Variants in PCDHGA3 observed in about 807,000 individuals in gnomAD.
PCDHGA3 encodes protocadherin gamma-A3.
PCDHGA3 carries 40 observed loss-of-function variants against 58.5 expected under a neutral mutation model. The observed-to-expected ratio is 0.68, with a 90% CI of 0.53 to 0.89. The LOEUF is 0.89. Ranked by LOEUF, PCDHGA3 falls within the 40% of genes least tolerant of loss-of-function variation. The pLI, the probability that PCDHGA3 is intolerant of heterozygous loss-of-function variation, is 0.00. For synonymous variants in PCDHGA3, 530 were observed against 525.7 expected, an observed-to-expected ratio of 1.01 and a Z score of -0.11; for missense variants, 1,223 against 1,195.9, an observed-to-expected ratio of 1.02 and a Z score of -0.33.
rs1308930168 is a variant in PCDHGA3, at chr5:141,489,620, A to G, written c.2425-5187A>G. 2.5e-6 allele frequency: 4 copies of G among 1,614,058 alleles called. No individual in the cohort carries two copies. Among genetic ancestry groups the G allele is most frequent in the South Asian group, 2.2e-5 (2 of 91,072 alleles). The stretch of plus-strand genomic sequence containing the variant: ...GTAGAGGTAGAGATCCTGGATCTCA[A>G]TGACAACTCTCCTAGCTTTGCCACC... On this transcript the variant is annotated intron_variant, in intron 1 of 3. Transcript: ENST00000253812. This position sits in a 1 kb window ranked among gnomAD's most constrained non-coding sequence, Gnocchi z 4.5.
intron 1 of PCDHGA3, chr5:141,408,804 A>G (rs577658697): frequency 1.9e-6 from 3 of 1,613,264 alleles, no homozygotes; most frequent in African/African-American, 2.7e-5. Context: ...AAACTCCTAG[A>G]CCGGGAAGAA....
At chr5:141,368,939 G>A (rs920878647) in intron 1 of PCDHGA3, among the ~76,000 whole-genome samples, 3 of 152,146 alleles carry the variant, frequency 2.0e-5, no homozygotes, top group African/African-American at 7.2e-5. Context: ...TAGAATTCTG[G>A]TTACTGTGAG....
intron 1 of PCDHGA3, chr5:141,366,706 G>T (rs202189432): frequency 1.0e-4 from 169 of 1,614,242 alleles, no homozygotes; most frequent in Middle Eastern, 1.6e-4. Context: ...AGCCTCTTCT[G>T]ATGTCTGATA....
intron 1 of PCDHGA3, chr5:141,409,921 G>C (rs767370997): frequency 2.7e-5 from 44 of 1,613,404 alleles, no homozygotes; most frequent in Non-Finnish European, 3.7e-5. Context: ...ACGGCTCCGC[G>C]TTCTTCGATA....
intron 1 of PCDHGA3, chr5:141,377,855 G>A (rs1291859496): frequency 6.6e-6 from 1 of 152,074 alleles, no homozygotes; most frequent in Non-Finnish European, 1.5e-5. Flanking sequence ...TTAAAATTAA[G>A]ATTTAAAAGA....
At position 141,508,878 on chromosome 5, in the gene PCDHGA3, C is replaced by A. The variant is rs189735747; in HGVS notation, c.2573-2069C>A. The stretch of plus-strand genomic sequence containing the variant: ...GGCTGGGAAAGGCTGAAGAGGCTGA[C>A]GGCTGGAGGGGAGGGGGCGGGGCGG... On this transcript the variant is annotated intron_variant, in intron 3 of 3. Transcript: ENST00000253812. Among the ~76,000 whole-genome samples, 561 of 152,074 alleles carry A rather than the reference C, an allele frequency of 3.7e-3. 3 individuals carry two copies. The highest frequency in any genetic ancestry group is 0.012 in the African/African-American group (508 of 41,498).
At chr5:141,390,271 C>A in intron 1 of PCDHGA3, 1 of 1,614,036 alleles carries the variant, frequency 6.2e-7, no homozygotes, top group Non-Finnish European at 8.5e-7. Context: ...AGTGAATTGA[C>A]TTCCCATCAG....
At chr5:141,499,548 A>G (rs1312910986) in intron 2 of PCDHGA3, among the ~76,000 whole-genome samples, 3 of 152,226 alleles carry the variant, frequency 2.0e-5, no homozygotes, top group African/African-American at 7.2e-5. Flanking sequence ...ATGAACCTGT[A>G]TGATACCACT....
At chr5:141,388,965 G>A in intron 1 of PCDHGA3, 2 of 1,613,978 alleles carry the variant, frequency 1.2e-6, no homozygotes, top group Non-Finnish European at 1.7e-6. Flanking sequence ...CGCCGAGCTG[G>A]GAACACATAT....
chr5:141,507,113 C>G (rs1401559943), intron 3 of PCDHGA3: 1 of 152,220 alleles, frequency 6.6e-6, no homozygotes, highest in Non-Finnish European at 1.5e-5. Context: ...GGGACCATGG[C>G]TGCCTTTGGA....
chr5:141,481,348 T>C (rs2099536105), intron 1 of PCDHGA3, among the ~76,000 whole-genome samples: 1 of 152,250 alleles, frequency 6.6e-6, no homozygotes, highest in Non-Finnish European at 1.5e-5. Flanking sequence ...TATTTAAACA[T>C]CTACAGCTGT....
chr5:141,393,052 G>A, intron 1 of PCDHGA3: 1 of 1,613,612 alleles, frequency 6.2e-7, no homozygotes, highest in Non-Finnish European at 8.5e-7. Flanking sequence ...CTGAACCCGC[G>A]CAGCGGCAGC....
chr5:141,346,998 CTCCT>C lies in PCDHGA3; in HGVS notation c.2424+554_2424+557del, dbSNP rs1156574062. ...GACAGGTGACACTCTTTTTTTCTTT[CTCCT>C]TCCTTCCTTCCTCTCTCTTTCCTCC... On this transcript the variant is annotated intron_variant, in intron 1 of 3. Coordinates refer to ENST00000253812, the MANE Select transcript of PCDHGA3 (RefSeq NM_018916.4). Among the ~76,000 whole-genome samples the C allele has an allele frequency of 9.1e-3, 1,371 of 151,152 alleles. 29 individuals are homozygous for C. Among genetic ancestry groups the C allele is most frequent in the African/African-American group, 0.031 (1,283 of 41,128 alleles).
At chr5:141,378,150 T>C (rs915126320) in intron 1 of PCDHGA3, 8 of 152,250 alleles carry the variant, frequency 5.3e-5, no homozygotes, top group African/African-American at 1.7e-4. Flanking sequence ...ATTATAATTA[T>C]TGGGTTGTTA....
chr5:141,370,283 A>G (rs1275076013), intron 1 of PCDHGA3: 2 of 944,824 alleles, frequency 2.1e-6, no homozygotes, highest in Non-Finnish European at 3.1e-6. Flanking sequence ...CACCCATTAG[A>G]GAACCCAAGC....
At chr5:141,351,106 A>G (rs1258132619) in intron 1 of PCDHGA3, 1 of 1,614,066 alleles carries the variant, frequency 6.2e-7, no homozygotes, top group Non-Finnish European at 8.5e-7. Flanking sequence ...TCAATTCCCC[A>G]ATAAGTACCA....
At chr5:141,494,965 C>T in intron 2 of PCDHGA3, 100 bp downstream of exon 2, 1 of 1,592,636 alleles carries the variant, frequency 6.3e-7, no homozygotes, top group Non-Finnish European at 8.6e-7. Context: ...CTACAGATGG[C>T]TTCTCCCTCA....
chr5:141,405,398 C>A, intron 1 of PCDHGA3: 1 of 1,590,262 alleles, frequency 6.3e-7, no homozygotes, highest in Non-Finnish European at 8.6e-7. Flanking sequence ...TTTTTTCTTT[C>A]TTTCTTTTCT....
intron 2 of PCDHGA3, among the ~76,000 whole-genome samples, chr5:141,504,651 G>A (rs905210723): frequency 8.4e-6 from 1 of 119,750 alleles, no homozygotes; most frequent in Non-Finnish European, 1.6e-5. Flanking sequence ...ATGATAGAGT[G>A]TTTGAGGGCG....
Sources: gnomAD v4.1 joint callset for allele counts (sites outside exome capture counted in the v4.1 genomes callset) on GRCh38, gnomAD v4.1.1 for gene constraint, Gnocchi (gnomAD v3.1) non-coding constraint, MANE v1.5 for transcripts, NCBI Gene and HGNC (gene_info 2026-07-23, HGNC 2026-07-21) for gene names.